Variants in PROM2 observed in about 807,000 individuals in gnomAD.
PROM2 encodes prominin 2.
PROM2 carries 90 observed loss-of-function variants against 110.2 expected under a neutral mutation model. That is an observed-to-expected ratio of 0.82 (90% CI 0.69 to 0.97). The LOEUF is 0.97. Among genes scored for constraint, PROM2 ranks in the 50% least tolerant of loss-of-function variants. The pLI, the probability that PROM2 is intolerant of heterozygous loss-of-function variation, is 0.00. For synonymous variants in PROM2, 470 were observed against 467.8 expected, an observed-to-expected ratio of 1.00 and a Z score of -0.06; for missense variants, 1,009 against 1,074.8, an observed-to-expected ratio of 0.94 and a Z score of 0.86.
In PROM2 at chr2:95,275,912, G is replaced by A; in HGVS notation, c.295-18G>A. The A allele has an allele frequency of 6.2e-7, 1 of 1,601,130 alleles. No individual in the cohort carries two copies. Among genetic ancestry groups the A allele is most frequent in the Non-Finnish European group, 8.5e-7 (1 of 1,175,530 alleles). ...CAGTGGGGGTCGGGTCACCCCTCAT[G>A]CCCTGCTGCCTGCCCAGGTGGTGCG... On this transcript the variant is annotated intron_variant, in intron 2 of 23. Transcript: ENST00000317620. The surrounding 1 kb of genome is among the most constrained non-coding windows in gnomAD (Gnocchi z 4.4).
chr2:95,275,639 C>T lies in PROM2; in HGVS notation c.294+129C>T, dbSNP rs1273401686. The T allele has an allele frequency of 7.4e-7, 1 of 1,357,902 alleles. No individual in the cohort carries two copies. The highest frequency in any genetic ancestry group is 1.4e-5 in the African/African-American group (1 of 68,966). 84.1% of individuals were successfully genotyped at this position (1,357,902 alleles called of 1,614,324 possible). A position where few individuals can be genotyped will look rare whatever the true frequency, so the allele number is the denominator to read the frequency against. On this transcript the variant is annotated intron_variant, in intron 2 of 23. Transcript: ENST00000317620. The surrounding 1 kb of genome is among the most constrained non-coding windows in gnomAD (Gnocchi z 4.4). ...CACTAGGCAGGGGCTCAGGCATCCT[C>T]TCCCCTCCTCTGTGGGCGCTGCAGT...
chr2:95,289,051 A>G, intron 23 of PROM2, 45 bp downstream of exon 23: 10 of 751,124 alleles, frequency 1.3e-5, no homozygotes, highest in Non-Finnish European at 1.3e-5. Flanking sequence ...CCAGGGATTA[A>G]GGGAGTGGGG....
At position 95,277,917 on chromosome 2, in the gene PROM2, T is replaced by A; in HGVS notation, c.976-13T>A. On this transcript the variant is annotated splice_polypyrimidine_tract_variant and intron_variant, in intron 7 of 23. Transcript: ENST00000317620. The stretch of plus-strand genomic sequence containing the variant: ...CCATGAACTTTGTCATAACCCACCT[T>A]CCCCCATTTCAGGTGCCCTCTGTGG... 1 of 1,610,294 alleles carries A rather than the reference T, an allele frequency of 6.2e-7. No individual in the cohort carries two copies. Among genetic ancestry groups the A allele is most frequent in the Non-Finnish European group, 8.5e-7 (1 of 1,178,590 alleles).
intron 18 of PROM2, 105 bp downstream of exon 18, chr2:95,286,962 C>A: frequency 7.1e-7 from 1 of 1,412,728 alleles, no homozygotes; most frequent in Non-Finnish European, 9.9e-7. Context: ...GCCCAGGTTG[C>A]AGGTGGGGTT....
rs1389882075 is a variant in PROM2 at position 95,290,166 on chromosome 2, G to C, written c.*953G>C. 1 of 152,314 alleles carries C rather than the reference G, an allele frequency of 6.6e-6. No individual in the cohort carries two copies. The highest frequency in any genetic ancestry group is 1.5e-5 in the Non-Finnish European group (1 of 68,148). The allele number at this position is 152,314 out of a possible 1,614,324, so 9.4% of individuals were successfully genotyped here. A position where few individuals can be genotyped will look rare whatever the true frequency, so the allele number is the denominator to read the frequency against. Reference sequence around the variant, plus strand: ...TGGTGGCCAGAACAGGATTTTGCACGGCCCCTTTTATCCTGCGCATGTGGC... The same window carrying C: ...TGGTGGCCAGAACAGGATTTTGCACCGCCCCTTTTATCCTGCGCATGTGGC... On this transcript the variant is annotated 3_prime_UTR_variant, in exon 24 of 24. Coordinates refer to ENST00000317620, the MANE Select transcript of PROM2 (RefSeq NM_001165978.3).
rs754054600 is a variant in PROM2 at position 95,286,806 on chromosome 2, A to T, written c.2043A>T (p.Ala681=). 37 of 1,612,894 alleles carry T rather than the reference A, an allele frequency of 2.3e-5. No homozygotes were observed. The highest frequency in any genetic ancestry group is 3.1e-5 in the Non-Finnish European group (37 of 1,179,666). Residue 681 remains alanine, a splice_region_variant and synonymous_variant, in exon 18 of 24, where the codon GCA becomes GCT. Coordinates refer to ENST00000317620, the MANE Select transcript of PROM2 (RefSeq NM_001165978.3). The part of the protein sequence containing the change: ...EKVVPQQSLV[A]KLNLSVRALE... ...CAGCCCTGATCTCTTCTCCACAGGCAAAGCTCAACCTCAGCGTCAGGGCCC... is the reference window on the plus strand; with the variant it reads ...CAGCCCTGATCTCTTCTCCACAGGCTAAGCTCAACCTCAGCGTCAGGGCCC...
At chr2:95,285,495 C>T in intron 15 of PROM2, 144 bp from the exon 16 acceptor site, 2 of 659,198 alleles carry the variant, frequency 3.0e-6, no homozygotes, top group Non-Finnish European at 5.2e-6. Context: ...CCAGGGAAAA[C>T]TCACTGTGAC....
intron 14 of PROM2, among the ~76,000 whole-genome samples, chr2:95,283,206 G>A (rs1677150435): frequency 6.6e-6 from 1 of 152,238 alleles, no homozygotes; most frequent in Admixed American, 6.5e-5. Flanking sequence ...TGAACCAGGG[G>A]CCTGGGCAGA....
chr2:95,283,007 C>T (rs1387770827), intron 14 of PROM2, among the ~76,000 whole-genome samples: 1 of 152,222 alleles, frequency 6.6e-6, no homozygotes, highest in Non-Finnish European at 1.5e-5. Context: ...CACCAACCAG[C>T]CTCGGCCCAC....
rs1677265724 is a variant in PROM2 at position 95,285,017 on chromosome 2, C to A, written c.1777C>A (p.Gln593Lys). Residue 593 changes from glutamine (Q) to lysine (K), a missense_variant, in exon 15 of 24, where the codon CAG (glutamine) becomes AAG (lysine). Coordinates refer to ENST00000317620, the MANE Select transcript of PROM2 (RefSeq NM_001165978.3). ...QELQSLKVDTQSLDLLSSAAR... is the reference protein window; with the variant it reads ...QELQSLKVDTKSLDLLSSAAR... ...GTTGCAGAGCCTGAAAGTAGACACA[C>A]AGAGCCTGGACCTGCTGAGCTCAGC... The A allele has an allele frequency of 6.2e-7, 1 of 1,606,966 alleles. No homozygotes were observed. The highest frequency in any genetic ancestry group is 1.7e-5 in the Admixed American group (1 of 59,336).
intron 8 of PROM2, 158 bp downstream of exon 8, chr2:95,278,162 GC>G (rs1169700645): frequency 1.6e-6 from 1 of 638,268 alleles, no homozygotes; most frequent in Non-Finnish European, 2.8e-6. Flanking sequence ...TCCTTGGTGT[GC>G]ACACAATCTG....
At chr2:95,286,898 C>A in intron 18 of PROM2, 41 bp downstream of exon 18, 1 of 1,599,862 alleles carries the variant, frequency 6.3e-7, no homozygotes, top group Non-Finnish European at 8.6e-7. Context: ...AGCACAGGGG[C>A]TGCAGAGGCG....
intron 21 of PROM2, 80 bp from the exon 22 acceptor site, chr2:95,288,403 G>A: frequency 6.3e-7 from 1 of 1,583,036 alleles, no homozygotes. Flanking sequence ...CATGGCCTCT[G>A]CCCCGGCTCT....
intron 20 of PROM2, among the ~76,000 whole-genome samples, chr2:95,287,893 G>A (rs1488775799): frequency 2.6e-5 from 4 of 152,228 alleles, no homozygotes; most frequent in Non-Finnish European, 5.9e-5. Flanking sequence ...GTCTATGTGT[G>A]TGTGAGTGTG....
intron 14 of PROM2, 62 bp from the exon 15 acceptor site, chr2:95,284,907 G>T: frequency 6.5e-7 from 1 of 1,536,894 alleles, no homozygotes; most frequent in South Asian, 1.2e-5. Context: ...GCTTAGGGGA[G>T]CATCTCTGGG....
intron 16 of PROM2, among the ~76,000 whole-genome samples, 182 bp from the exon 17 acceptor site, chr2:95,286,297 G>A (rs1167819426): frequency 6.6e-6 from 1 of 152,150 alleles, no homozygotes; most frequent in African/African-American, 2.4e-5. Context: ...GCAAGCTAGA[G>A]TGAACCTAGA....
intron 11 of PROM2, among the ~76,000 whole-genome samples, chr2:95,280,585 T>C (rs962536042): frequency 6.6e-6 from 1 of 152,180 alleles, no homozygotes; most frequent in African/African-American, 2.4e-5. Context: ...GTAGGTCACC[T>C]CCATGGGCCC....
At chr2:95,287,560 G>T in intron 20 of PROM2, 96 bp downstream of exon 20, 1 of 1,256,024 alleles carries the variant, frequency 8.0e-7, no homozygotes, top group Non-Finnish European at 1.1e-6. Flanking sequence ...AGCCCCTTGG[G>T]GGTGACCCAG....
In PROM2 at chr2:95,282,204, A is replaced by G; in HGVS notation, c.1706A>G (p.Glu569Gly). 1.2e-6 allele frequency: 2 copies of G among 1,613,748 alleles called. No individual in the cohort carries two copies. The highest frequency in any genetic ancestry group is 1.7e-6 in the Non-Finnish European group (2 of 1,179,904). ...VLQLNDSYDL[E>G]EHLDINQYTN... Reference sequence around the variant, plus strand: ...CAGCTCAACGACTCCTACGACCTGGAGGAGCACCTGGATATCAACCAGGTG... The same window carrying G: ...CAGCTCAACGACTCCTACGACCTGGGGGAGCACCTGGATATCAACCAGGTG... Residue 569 changes from glutamate to glycine, a missense_variant, in exon 14 of 24, where the codon GAG becomes GGG. By Grantham distance (98) the Glu-to-Gly change is moderately conservative. Coordinates refer to ENST00000317620, the MANE Select transcript of PROM2 (RefSeq NM_001165978.3).
Sources: gnomAD v4.1 joint callset for allele counts (sites outside exome capture counted in the v4.1 genomes callset) on GRCh38, gnomAD v4.1.1 for gene constraint, Gnocchi (gnomAD v3.1) non-coding constraint, MANE v1.5 for transcripts, NCBI Gene and HGNC (gene_info 2026-07-23, HGNC 2026-07-21) for gene names.